STX8: variants seen among roughly 807,000 people sequenced by gnomAD.
The protein encoded by STX8 is syntaxin 8.
In STX8, 23 loss-of-function variants were observed where a neutral mutation model predicts 37.5. The observed-to-expected ratio is 0.61, with a 90% CI of 0.44 to 0.87. The LOEUF (loss-of-function observed/expected upper bound fraction) is 0.87. STX8 is among the 40% of genes least tolerant of loss of function. The pLI, the probability that STX8 is intolerant of heterozygous loss-of-function variation, is 0.00. For missense variants in STX8, 313 were observed against 284.7 expected, an observed-to-expected ratio of 1.10 and a Z score of -0.71; for synonymous variants, 115 against 99.1, an observed-to-expected ratio of 1.16 and a Z score of -0.95.
rs536137446 is a variant in STX8 at position 9,255,172 on chromosome 17, T to C, written c.644-4527A>G. On this transcript the variant is annotated intron_variant, in intron 7 of 7. Coordinates refer to ENST00000306357, the MANE Select transcript of STX8 (RefSeq NM_004853.3). ...AAGCTGCTAATTTTTCTACCACAGA[T>C]GCTGTGAATTAGACAAACTGTGCCC... 2.0e-5 allele frequency among the ~76,000 whole-genome samples: 3 copies of C among 152,246 alleles called. No individual in the cohort carries two copies. In the East Asian group the frequency reaches 5.8e-4, roughly 29 times the overall value.
chr17:9,535,026 CGTCA>C (rs546522219), intron 4 of STX8, among the ~76,000 whole-genome samples: 51 of 152,038 alleles, frequency 3.4e-4, no homozygotes, highest in Admixed American at 1.6e-3. Flanking sequence ...TAAAAAATAT[CGTCA>C]GTCACAAAAA....
chr17:9,385,045 A>G (rs1911947739), intron 6 of STX8, among the ~76,000 whole-genome samples: 1 of 152,002 alleles, frequency 6.6e-6, no homozygotes, highest in African/African-American at 2.4e-5. Context: ...AAATTTTTAT[A>G]GCCTGGAGTA....
intron 7 of STX8, among the ~76,000 whole-genome samples, chr17:9,325,279 T>C (rs1909716334): frequency 6.6e-6 from 1 of 152,228 alleles, no homozygotes; most frequent in Admixed American, 6.5e-5. Context: ...GTAATTATAG[T>C]TATACCTCAA....
At position 9,361,468 on chromosome 17, in the gene STX8, TCTC is replaced by T. The variant is rs1384937835; in HGVS notation, c.643+17081_643+17083del. ...AGGCGTTGCTTTGCAGTTGAGCTGCTCTCTTCACATGGGTACCACCATAATGTA... is the reference window on the plus strand; with the variant it reads ...AGGCGTTGCTTTGCAGTTGAGCTGCTTTCACATGGGTACCACCATAATGTA... On this transcript the variant is annotated intron_variant, in intron 7 of 7. Transcript: ENST00000306357. Among the ~76,000 whole-genome samples the T allele has an allele frequency of 5.9e-5, 9 of 152,304 alleles. No homozygotes were observed. In the East Asian group the frequency reaches 1.4e-3, roughly 23 times the overall value.
Position 9,522,629 on chromosome 17 carries a change from G to A in STX8, c.324-17467C>T, listed in dbSNP as rs565780760. On this transcript the variant is annotated intron_variant, in intron 4 of 7. Transcript: ENST00000306357. ...CAGGAGGCTGAGGCAGGAGAATGGC[G>A]TGAACCCAGGAGGCGGAGCTTGCAG... Among the ~76,000 whole-genome samples, 383 of 151,698 alleles carry A rather than the reference G, an allele frequency of 2.5e-3. 4 individuals carry two copies. Among genetic ancestry groups the A allele is most frequent in the Admixed American group, 7.0e-3 (106 of 15,240 alleles).
At chr17:9,516,674 G>A (rs1188512973) in intron 4 of STX8, among the ~76,000 whole-genome samples, 1 of 151,968 alleles carries the variant, frequency 6.6e-6, no homozygotes, top group African/African-American at 2.4e-5. Flanking sequence ...TTAACATTTG[G>A]GGTGGTGCCT....
chr17:9,454,677 C>CAAA (rs71135986), intron 6 of STX8, among the ~76,000 whole-genome samples: 1 of 128,930 alleles, frequency 7.8e-6, no homozygotes, highest in Admixed American at 7.9e-5. Context: ...GAGACTGTCT[C>CAAA]AAAAAAAAAA....
chr17:9,359,628 C>G (rs555719393), intron 7 of STX8, among the ~76,000 whole-genome samples: 1 of 151,714 alleles, frequency 6.6e-6, no homozygotes, highest in Non-Finnish European at 1.5e-5. Flanking sequence ...CCGCCTCAGC[C>G]TCCCAAATAG....
chr17:9,268,195 T>G lies in STX8; in HGVS notation c.644-17550A>C, dbSNP rs1013259154. ...CTAGGGCGCAACCAACTCAGCACAC[T>G]GGTCAACTGCTAACCTTTCACTAGG... On this transcript the variant is annotated intron_variant, in intron 7 of 7. Coordinates refer to ENST00000306357, the MANE Select transcript of STX8 (RefSeq NM_004853.3). Among the ~76,000 whole-genome samples the G allele has an allele frequency of 2.0e-5, 3 of 151,344 alleles. 1 individual carries two copies. Among genetic ancestry groups the G allele is most frequent in the Admixed American group, 2.0e-4 (3 of 15,144 alleles).
At chr17:9,426,359 TCTA>T (rs551823407) in intron 6 of STX8, among the ~76,000 whole-genome samples, 2 of 152,146 alleles carry the variant, frequency 1.3e-5, no homozygotes, top group South Asian at 4.2e-4. Flanking sequence ...AAACCCTGTC[TCTA>T]CTAAAAATAC....
chr17:9,410,206 C>T (rs1439515699), intron 6 of STX8, among the ~76,000 whole-genome samples: 1 of 152,154 alleles, frequency 6.6e-6, no homozygotes, highest in Non-Finnish European at 1.5e-5. Context: ...TAATGATGGT[C>T]ATAACATCAC....
At chr17:9,494,615 C>CAAAAAA (rs35806606) in intron 5 of STX8, among the ~76,000 whole-genome samples, 1 of 64,310 alleles carries the variant, frequency 1.6e-5, no homozygotes, top group East Asian at 6.3e-4. Flanking sequence ...GAACCTGTCT[C>CAAAAAA]AAAAAAAAAA....
intron 7 of STX8, among the ~76,000 whole-genome samples, chr17:9,330,065 G>A (rs1909912195): frequency 6.6e-6 from 1 of 152,118 alleles, no homozygotes; most frequent in South Asian, 2.1e-4. Flanking sequence ...GAGGTCCCGC[G>A]GCTTCAAAGG....
At chr17:9,515,640 A>G (rs2034949) in intron 4 of STX8, among the ~76,000 whole-genome samples, 38,192 of 152,032 alleles carry the variant, frequency 0.25, 5,020 homozygotes, top group South Asian at 0.39. Context: ...CTCCCACCTC[A>G]GCCTCCTGAG....
intron 5 of STX8, among the ~76,000 whole-genome samples, chr17:9,499,185 C>T (rs1205495663): frequency 6.6e-6 from 1 of 152,086 alleles, no homozygotes; most frequent in African/African-American, 2.4e-5. Flanking sequence ...TAAGGGATTC[C>T]ACGGGCTAAA....
Position 9,399,128 on chromosome 17 carries a change from G to C in STX8, c.542-20475C>G, listed in dbSNP as rs149676467. Among the ~76,000 whole-genome samples the C allele has an allele frequency of 6.4e-3, 977 of 151,844 alleles. 9 individuals carry two copies. The highest frequency in any genetic ancestry group is 0.022 in the African/African-American group (922 of 41,402). ...ACAGAGAAAATGATAAATGGAACAG[G>C]AAAGGGTGCAGCAATAGATTCAGGC... On this transcript the variant is annotated intron_variant, in intron 6 of 7. Coordinates refer to ENST00000306357, the MANE Select transcript of STX8 (RefSeq NM_004853.3).
In STX8 at chr17:9,335,388, A is replaced by C. The variant is rs117730585; in HGVS notation, c.643+43164T>G. On this transcript the variant is annotated intron_variant, in intron 7 of 7. Transcript: ENST00000306357. ...AATTTATTTCTAACATAAGTAACCC[A>C]CTTGGTGATAACAGCACTAATCCAC... is the stretch of plus-strand genomic sequence containing the variant. 1.8e-3 allele frequency among the ~76,000 whole-genome samples: 273 copies of C among 152,266 alleles called. 1 individual carries two copies. Among genetic ancestry groups the C allele is most frequent in the Middle Eastern group, 3.4e-3 (1 of 294 alleles).
chr17:9,538,382 C>T (rs1906144799), intron 4 of STX8, among the ~76,000 whole-genome samples: 1 of 152,202 alleles, frequency 6.6e-6, no homozygotes, highest in Non-Finnish European at 1.5e-5. Flanking sequence ...TTTAGGAAAT[C>T]TAAGTACTAT....
intron 6 of STX8, among the ~76,000 whole-genome samples, chr17:9,491,253 C>T (rs951155726): frequency 6.6e-6 from 1 of 151,964 alleles, no homozygotes; most frequent in Non-Finnish European, 1.5e-5. Context: ...CCCGTGCCCC[C>T]GTATTTCTTC....
Sources: allele counts gnomAD v4.1 joint callset (sites outside exome capture counted in the v4.1 genomes callset), GRCh38; gene constraint gnomAD v4.1.1; transcripts MANE v1.5; gene names NCBI Gene and HGNC (gene_info 2026-07-23, HGNC 2026-07-21).